KIF3A: variants seen among roughly 807,000 people sequenced by gnomAD.
The protein encoded by KIF3A is kinesin family member 3A, also known as kinesin-like protein KIF3A.
In KIF3A, 27 loss-of-function variants were observed where a neutral mutation model predicts 92.6. That is an observed-to-expected ratio of 0.29 (90% CI 0.21 to 0.40). The LOEUF is 0.40. Among genes scored for constraint, KIF3A ranks in the 10% least tolerant of loss-of-function variants. The pLI is 1.00. For missense variants in KIF3A, 581 were observed against 872.6 expected, an observed-to-expected ratio of 0.67 and a Z score of 4.21; for synonymous variants, 250 against 275.4, an observed-to-expected ratio of 0.91 and a Z score of 0.92.
intron 8 of KIF3A, among the ~76,000 whole-genome samples, chr5:132,715,208 A>T (rs1581082137): frequency 6.6e-6 from 1 of 152,206 alleles, no homozygotes; most frequent in East Asian, 1.9e-4. Flanking sequence ...CACTCTCATA[A>T]ATAAGATCTT....
chr5:132,728,664 G>A (rs945073157), intron 2 of KIF3A, among the ~76,000 whole-genome samples: 17 of 152,072 alleles, frequency 1.1e-4, no homozygotes, highest in African/African-American at 4.1e-4. Context: ...TTGAACCTGG[G>A]AGGCGAAGGC....
At chr5:132,712,462 A>G (rs1217534778) in intron 8 of KIF3A, among the ~76,000 whole-genome samples, 1 of 152,244 alleles carries the variant, frequency 6.6e-6, no homozygotes, top group Non-Finnish European at 1.5e-5. Flanking sequence ...ATAAATAAAC[A>G]AATGGGAATG....
At chr5:132,699,369 T>C in intron 17 of KIF3A, 74 bp from the exon 18 acceptor site, 2 of 1,470,222 alleles carry the variant, frequency 1.4e-6, no homozygotes, top group Non-Finnish European at 1.9e-6. Flanking sequence ...AGATTTAAAA[T>C]ACTGAATAAA....
intron 12 of KIF3A, 141 bp from the exon 13 acceptor site, chr5:132,703,206 G>A: frequency 1.4e-6 from 1 of 720,212 alleles, no homozygotes; most frequent in East Asian, 2.8e-5. Context: ...TTACACCACT[G>A]TGTAGTATCG....
chr5:132,729,736 G>A (rs1754161475), intron 2 of KIF3A, among the ~76,000 whole-genome samples: 1 of 152,038 alleles, frequency 6.6e-6, no homozygotes, highest in Non-Finnish European at 1.5e-5. Context: ...TCTGTGGGAT[G>A]ACACTAAAAC....
chr5:132,701,279 A>G (rs1753028201), intron 15 of KIF3A, among the ~76,000 whole-genome samples: 2 of 152,072 alleles, frequency 1.3e-5, no homozygotes, highest in Admixed American at 6.5e-5. Flanking sequence ...GGGCAGATCA[A>G]CCTGAGCTCA....
chr5:132,726,425 T>C lies in KIF3A; in HGVS notation c.354A>G (p.Glu118=). The C allele has an allele frequency of 6.2e-7, 1 of 1,613,826 alleles. No homozygotes were observed. Among genetic ancestry groups the C allele is most frequent in the Non-Finnish European group, 8.5e-7 (1 of 1,179,772 alleles). ...FTMEGVRAIP[E]LRGIIPNSFA... The stretch of plus-strand genomic sequence containing the variant: ...ATGAATTGGGAATTATTCCTCTAAG[T>C]TCAGGAATAGCTCGAACACCTTCCA... The change falls in exon 3 of 19, where the codon GAA becomes GAG. Residue 118 remains glutamate (E), a synonymous_variant. Coordinates refer to ENST00000403231, the MANE Select transcript of KIF3A (RefSeq NM_001300791.2).
Position 132,693,002 on chromosome 5 carries a change from G to C in KIF3A, c.*3632C>G, listed in dbSNP as rs190156300. ...CATTCCTTAATTCACAGCCCTGTAGGAAAGAAGACTTTCCTTAAGAGTTAA... is the reference window on the plus strand; with the variant it reads ...CATTCCTTAATTCACAGCCCTGTAGCAAAGAAGACTTTCCTTAAGAGTTAA... On this transcript the variant is annotated 3_prime_UTR_variant, in exon 19 of 19. Coordinates refer to ENST00000403231, the MANE Select transcript of KIF3A (RefSeq NM_001300791.2). 152 of 152,566 alleles carry C rather than the reference G, an allele frequency of 1.0e-3. No homozygotes were observed. Among genetic ancestry groups the C allele is most frequent in the African/African-American group, 3.4e-3 (140 of 41,502 alleles). The allele number at this position is 152,566 out of a possible 1,614,324, so 9.5% of individuals were successfully genotyped here. A position where few individuals can be genotyped will look rare whatever the true frequency, so the allele number is the denominator to read the frequency against.
At chr5:132,737,328 C>A in intron 1 of KIF3A, 86 bp downstream of exon 1, 1 of 1,473,350 alleles carries the variant, frequency 6.8e-7, no homozygotes, top group South Asian at 1.3e-5. Flanking sequence ...CGCCTGCCGG[C>A]TCCGCGCCTC....
chr5:132,709,268 G>C (rs1302922354), intron 9 of KIF3A, among the ~76,000 whole-genome samples: 1 of 152,120 alleles, frequency 6.6e-6, no homozygotes, highest in Non-Finnish European at 1.5e-5. Context: ...GGGTTGAAAT[G>C]ACAAGAATAA....
intron 11 of KIF3A, among the ~76,000 whole-genome samples, chr5:132,705,673 A>G (rs1753186637): frequency 6.6e-6 from 1 of 152,036 alleles, no homozygotes; most frequent in Non-Finnish European, 1.5e-5. Flanking sequence ...ACAATCAAAG[A>G]TATATAGCCA....
At chr5:132,701,318 G>C (rs1379432749) in intron 15 of KIF3A, among the ~76,000 whole-genome samples, 1 of 151,904 alleles carries the variant, frequency 6.6e-6, no homozygotes, top group African/African-American at 2.4e-5. Context: ...GGCCAACATG[G>C]CTAAACCCCA....
rs1390314112 is a variant in KIF3A at position 132,716,748 on chromosome 5, T to C, written c.756+97A>G. On this transcript the variant is annotated intron_variant, in intron 6 of 18. Coordinates refer to ENST00000403231, the MANE Select transcript of KIF3A (RefSeq NM_001300791.2). Reference sequence around the variant, plus strand: ...TACACAAGTAACACCTTAAAAATCATATGTAAATCATACCTTTTCACTTTA... The same window carrying C: ...TACACAAGTAACACCTTAAAAATCACATGTAAATCATACCTTTTCACTTTA... The C allele has an allele frequency of 5.4e-6, 7 of 1,297,014 alleles. No individual in the cohort carries two copies. In the African/African-American group the frequency reaches 9.0e-5, roughly 17 times the overall value. 80.3% of individuals were successfully genotyped at this position (1,297,014 alleles called of 1,614,324 possible).
At chr5:132,703,963 T>G (rs932786555) in intron 11 of KIF3A, among the ~76,000 whole-genome samples, 1 of 149,166 alleles carries the variant, frequency 6.7e-6, no homozygotes, top group African/African-American at 2.5e-5. Flanking sequence ...AAATATAGGT[T>G]AAAAAAAAAG....
intron 12 of KIF3A, 68 bp downstream of exon 12, chr5:132,703,395 T>C (rs1224939239): frequency 7.3e-7 from 1 of 1,365,442 alleles, no homozygotes; most frequent in African/African-American, 1.4e-5. Flanking sequence ...TCAATTTTCC[T>C]ATTTTATATA....
chr5:132,700,754 A>T (rs1753009043), intron 15 of KIF3A, 54 bp from the exon 16 acceptor site: 2 of 1,147,622 alleles, frequency 1.7e-6, no homozygotes, highest in Admixed American at 3.7e-5. Flanking sequence ...CATCTAAAAT[A>T]TTGAAGTCAT....
At chr5:132,713,626 C>T (rs1336598260) in intron 8 of KIF3A, among the ~76,000 whole-genome samples, 1 of 149,484 alleles carries the variant, frequency 6.7e-6, no homozygotes, top group Admixed American at 6.6e-5. Context: ...TGGGTACATA[C>T]CCCAAAAATG....
At chr5:132,699,947 A>G (rs1389171231) in intron 17 of KIF3A, among the ~76,000 whole-genome samples, 1 of 152,014 alleles carries the variant, frequency 6.6e-6, no homozygotes, top group East Asian at 1.9e-4. Context: ...TAATCCTACG[A>G]CCCAGAGTGG....
intron 8 of KIF3A, among the ~76,000 whole-genome samples, chr5:132,713,052 G>C (rs1753483937): frequency 6.6e-6 from 1 of 152,172 alleles, no homozygotes; most frequent in Admixed American, 6.5e-5. Context: ...CAGCTACTCA[G>C]GAGGTTGAGG....
Sources: allele counts gnomAD v4.1 joint callset (sites outside exome capture counted in the v4.1 genomes callset), GRCh38; gene constraint gnomAD v4.1.1; transcripts MANE v1.5; gene names NCBI Gene and HGNC (gene_info 2026-07-23, HGNC 2026-07-21).